SH2D1A: variants seen among roughly 807,000 people sequenced by gnomAD.
The protein encoded by SH2D1A is SH2 domain containing 1A, also known as SH2 domain-containing protein 1A.
In SH2D1A, 6 loss-of-function variants were observed where a neutral mutation model predicts 10.1. The observed-to-expected ratio is 0.60, with a 90% CI of 0.33 to 1.18. SH2D1A has a LOEUF of 1.18. SH2D1A is among the 50% of genes most tolerant of loss of function. SH2D1A has a pLI of 0.04. For synonymous variants in SH2D1A, 42 were observed against 36.9 expected (o/e 1.14, Z -0.51); for missense variants, 51 against 97.6 (o/e 0.52, Z 2.01).
At chrX:124,370,540 A>G (rs1432402586) in intron 3 of SH2D1A, among the ~76,000 whole-genome samples, 1 of 112,304 alleles carries the variant, frequency 8.9e-6, no homozygotes, top group Non-Finnish European at 1.9e-5. Flanking sequence ...CAAAAATTCT[A>G]TAAGCCCATA....
At chrX:124,366,330 T>A (rs779981051) in intron 2 of SH2D1A, among the ~76,000 whole-genome samples, 3 of 111,198 alleles carry the variant, frequency 2.7e-5, no homozygotes, top group African/African-American at 6.5e-5. Flanking sequence ...CTCTGATAGG[T>A]CTATGATCTT....
intron 1 of SH2D1A, among the ~76,000 whole-genome samples, chrX:124,360,600 T>TAAAAAA (rs57948305): frequency 9.7e-5 from 3 of 30,792 alleles, no homozygotes; most frequent in African/African-American, 1.5e-4. Context: ...AAGACACCAT[T>TAAAAAA]AAAAAAAAAA....
Position 124,372,857 on chromosome X carries a change from G to A in SH2D1A, c.*1466G>A, listed in dbSNP as rs1416425890. The stretch of plus-strand genomic sequence containing the variant: ...AAAAGTGGAGTGTGGCCTGAGTAAT[G>A]CATTATGGGTGGTTTACCATTTCTT... On this transcript the variant is annotated 3_prime_UTR_variant, in exon 4 of 4. Coordinates refer to ENST00000371139, the MANE Select transcript of SH2D1A (RefSeq NM_002351.5). 8 of 158,826 alleles carry A rather than the reference G, an allele frequency of 5.0e-5. No individual in the cohort carries two copies. The highest frequency in any genetic ancestry group is 9.8e-5 in the Non-Finnish European group (8 of 81,742). 13.1% of individuals were successfully genotyped at this position (158,826 alleles called of 1,213,427 possible). A position where few individuals can be genotyped will look rare whatever the true frequency, so the allele number is the denominator to read the frequency against.
At chrX:124,353,578 C>T (rs958621295) in intron 1 of SH2D1A, among the ~76,000 whole-genome samples, 3 of 111,124 alleles carry the variant, frequency 2.7e-5, no homozygotes, top group Non-Finnish European at 5.7e-5. Flanking sequence ...CTTCCCTTCT[C>T]ACCCTCAATG....
At chrX:124,370,736 A>G (rs2060067350) in intron 3 of SH2D1A, among the ~76,000 whole-genome samples, 1 of 112,149 alleles carries the variant, frequency 8.9e-6, no homozygotes, top group African/African-American at 3.2e-5. Flanking sequence ...CATGAAAGCT[A>G]ACGTTAGCCT....
chrX:124,354,495 C>G (rs144200647), intron 1 of SH2D1A, among the ~76,000 whole-genome samples: 2 of 111,050 alleles, frequency 1.8e-5, no homozygotes, highest in Non-Finnish European at 3.8e-5. Context: ...AGGGGCAGCA[C>G]AGAATGGTGG....
chrX:124,372,112 C>G lies in SH2D1A; in HGVS notation c.*721C>G. 6.1e-6 allele frequency: 1 copy of G among 162,908 alleles called. No homozygotes were observed. Among genetic ancestry groups the G allele is most frequent in the Non-Finnish European group, 1.2e-5 (1 of 83,854 alleles). 13.4% of individuals were successfully genotyped at this position (162,908 alleles called of 1,213,427 possible). On this transcript the variant is annotated 3_prime_UTR_variant, in exon 4 of 4. Transcript: ENST00000371139. Reference sequence around the variant, plus strand: ...AGTTTTTCTTTTCATTTACCTCTGCCCCAGTTGTTTCTACTACATGGAAGA... The same window carrying G: ...AGTTTTTCTTTTCATTTACCTCTGCGCCAGTTGTTTCTACTACATGGAAGA...
chrX:124,367,486 G>C (rs2060058805), intron 2 of SH2D1A: 1 of 112,016 alleles, frequency 8.9e-6, no homozygotes, highest in Non-Finnish European at 1.9e-5. Flanking sequence ...GCTGAGTTCA[G>C]TGACAGGATG....
At chrX:124,359,413 C>A (rs1190501986) in intron 1 of SH2D1A, among the ~76,000 whole-genome samples, 1 of 111,871 alleles carries the variant, frequency 8.9e-6, no homozygotes, top group Non-Finnish European at 1.9e-5. Flanking sequence ...TAATGAATCT[C>A]CACATCACCC....
intron 1 of SH2D1A, among the ~76,000 whole-genome samples, chrX:124,347,286 G>A (rs1199754047): frequency 9.0e-6 from 1 of 110,498 alleles, no homozygotes; most frequent in Non-Finnish European, 1.9e-5. Context: ...TGCTGAGAGA[G>A]GAGGGGGATG....
At chrX:124,355,387 A>G (rs970543077) in intron 1 of SH2D1A, among the ~76,000 whole-genome samples, 1 of 112,194 alleles carries the variant, frequency 8.9e-6, no homozygotes, top group Non-Finnish European at 1.9e-5. Flanking sequence ...ATCAGCAGAG[A>G]CTAGATTAAC....
chrX:124,366,484 CAGTG>C (rs770120515), intron 2 of SH2D1A, among the ~76,000 whole-genome samples: 1 of 111,640 alleles, frequency 9.0e-6, no homozygotes, highest in South Asian at 3.8e-4. Context: ...GCCTGGCACA[CAGTG>C]AGCCCTCAAA....
chrX:124,357,993 T>C (rs976207299), intron 1 of SH2D1A, among the ~76,000 whole-genome samples: 2 of 110,915 alleles, frequency 1.8e-5, no homozygotes, highest in African/African-American at 6.6e-5. Flanking sequence ...GTTTTCTTTC[T>C]ATTGAGTAAT....
In SH2D1A at chrX:124,371,459, G is replaced by GAT; in HGVS notation, c.*70_*71dup. On this transcript the variant is annotated 3_prime_UTR_variant, in exon 4 of 4. Coordinates refer to ENST00000371139, the MANE Select transcript of SH2D1A (RefSeq NM_002351.5). ...TATATGCTAAGTCTTATATATTGTA[G>GAT]ATAATACAGTTCGGTGAGCTACAAA... is the stretch of plus-strand genomic sequence containing the variant. The GAT allele has an allele frequency of 1.4e-6, 1 of 709,134 alleles. No homozygotes were observed. Among genetic ancestry groups the GAT allele is most frequent in the Non-Finnish European group, 2.1e-6 (1 of 469,612 alleles). 58.4% of individuals were successfully genotyped at this position (709,134 alleles called of 1,213,427 possible).
In SH2D1A at chrX:124,346,880, T is replaced by C. The variant is rs2059994430; in HGVS notation, c.137+101T>C. ...GCCGAGGCAGGCAGGGGCGCCGGCG[T>C]TAGCAGCTCGCCGACGCCTCCTCCG... On this transcript the variant is annotated intron_variant, in intron 1 of 3. Transcript: ENST00000371139. 3 of 1,012,512 alleles carry C rather than the reference T, an allele frequency of 3.0e-6. No homozygotes were observed. The Admixed American group carries it at 6.8e-5, about 23-fold the overall frequency. 83.4% of individuals were successfully genotyped at this position (1,012,512 alleles called of 1,213,427 possible). A position where few individuals can be genotyped will look rare whatever the true frequency, so the allele number is the denominator to read the frequency against.
At chrX:124,358,841 C>T (rs1475294437) in intron 1 of SH2D1A, among the ~76,000 whole-genome samples, 1 of 111,687 alleles carries the variant, frequency 9.0e-6, no homozygotes, top group Non-Finnish European at 1.9e-5. Context: ...TCTGATTTAA[C>T]AGGTCTGGGT....
At chrX:124,354,789 T>C (rs1483618273) in intron 1 of SH2D1A, among the ~76,000 whole-genome samples, 1 of 112,585 alleles carries the variant, frequency 8.9e-6, no homozygotes, top group Non-Finnish European at 1.9e-5. Flanking sequence ...TAAGTATACG[T>C]AAATAAAACT....
At chrX:124,364,166 G>A (rs1249293781) in intron 1 of SH2D1A, among the ~76,000 whole-genome samples, 3 of 110,649 alleles carry the variant, frequency 2.7e-5, no homozygotes, top group Admixed American at 1.9e-4. Context: ...TGACAGCTCC[G>A]TGTGTGTGAC....
intron 2 of SH2D1A, among the ~76,000 whole-genome samples, chrX:124,368,640 T>A (rs780281298): frequency 8.9e-6 from 1 of 112,595 alleles, no homozygotes; most frequent in Non-Finnish European, 1.9e-5. Context: ...CCTCTGGTTG[T>A]CTGTGTGACT....
Sources: gnomAD v4.1 joint callset for allele counts (sites outside exome capture counted in the v4.1 genomes callset) on GRCh38, gnomAD v4.1.1 for gene constraint, MANE v1.5 for transcripts, NCBI Gene and HGNC (gene_info 2026-07-23, HGNC 2026-07-21) for gene names.